AGTPBP1: variants seen among roughly 807,000 people sequenced by gnomAD.
The protein encoded by AGTPBP1 is cytosolic carboxypeptidase 1.
AGTPBP1 carries 70 observed loss-of-function variants against 143.9 expected under a neutral mutation model. The observed-to-expected ratio is 0.49, with a 90% CI of 0.40 to 0.59. AGTPBP1 has a LOEUF of 0.59. AGTPBP1 is among the 20% of genes least tolerant of loss of function. AGTPBP1 has a pLI of 0.00. For missense variants in AGTPBP1, 1,229 were observed against 1,464.5 expected, an observed-to-expected ratio of 0.84 and a Z score of 2.62; for synonymous variants, 463 against 500.2, an observed-to-expected ratio of 0.93 and a Z score of 0.99.
Position 85,618,974 on chromosome 9 carries a change from C to T in AGTPBP1, c.2335+9G>A. ...ATGCCATTTCAATTGGGAAAGAAAA[C>T]TGTCTTACCATAATTAAACTGACTG... is the stretch of plus-strand genomic sequence containing the variant. On this transcript the variant is annotated intron_variant, in intron 17 of 25. Coordinates refer to ENST00000357081, the MANE Select transcript of AGTPBP1 (RefSeq NM_001330701.2). The T allele has an allele frequency of 6.2e-7, 1 of 1,600,298 alleles. No individual in the cohort carries two copies.
intron 25 of AGTPBP1, among the ~76,000 whole-genome samples, chr9:85,548,427 A>C (rs1485001885): frequency 6.6e-6 from 1 of 152,178 alleles, no homozygotes; most frequent in East Asian, 1.9e-4. Flanking sequence ...ATGCATTGCA[A>C]AACCACCTTG....
At chr9:85,596,531 C>T in intron 17 of AGTPBP1, 82 bp from the exon 18 acceptor site, 1 of 899,480 alleles carries the variant, frequency 1.1e-6, no homozygotes, top group South Asian at 2.0e-5. Context: ...TAGAAAGCAC[C>T]AAACATTCAG....
In AGTPBP1 at chr9:85,710,100, C is replaced by T. The variant is rs147523744; in HGVS notation, c.32+2402G>A. Among the ~76,000 whole-genome samples, 73 of 152,164 alleles carry T rather than the reference C, an allele frequency of 4.8e-4. 1 individual carries two copies. The highest frequency in any genetic ancestry group is 2.8e-3 in the Admixed American group (43 of 15,278). ...ACACTTCACTATATACTGGTTAAGTCGCCATACTGCATTTGTTCAGATATT... is the reference window on the plus strand; with the variant it reads ...ACACTTCACTATATACTGGTTAAGTTGCCATACTGCATTTGTTCAGATATT... On this transcript the variant is annotated intron_variant, in intron 2 of 25. Coordinates refer to ENST00000357081, the MANE Select transcript of AGTPBP1 (RefSeq NM_001330701.2).
At chr9:85,595,775 C>A (rs576305670) in intron 18 of AGTPBP1, among the ~76,000 whole-genome samples, 35 of 152,214 alleles carry the variant, frequency 2.3e-4, no homozygotes, top group East Asian at 1.4e-3. Flanking sequence ...GATCTGCCCA[C>A]CTCACCCTCC....
In AGTPBP1 at chr9:85,737,479, T is replaced by G. The variant is rs548936328; in HGVS notation, c.-34+4296A>C. The stretch of plus-strand genomic sequence containing the variant: ...TAAAATTTGAGCTTTCAAGCAAAAA[T>G]CCGAATTCTGGAAAACTCATATCCA... On this transcript the variant is annotated intron_variant, in intron 1 of 25. Coordinates refer to ENST00000357081, the MANE Select transcript of AGTPBP1 (RefSeq NM_001330701.2). Among the ~76,000 whole-genome samples, 195 of 152,292 alleles carry G rather than the reference T, an allele frequency of 1.3e-3. 1 individual carries two copies. Among genetic ancestry groups the G allele is most frequent in the African/African-American group, 4.6e-3 (191 of 41,572 alleles).
intron 2 of AGTPBP1, among the ~76,000 whole-genome samples, chr9:85,695,428 A>T (rs183105356): frequency 6.6e-6 from 1 of 152,328 alleles, no homozygotes; most frequent in Non-Finnish European, 1.5e-5. Context: ...GGCCAAAGAC[A>T]ATTTTCATAA....
chr9:85,575,359 A>G lies in AGTPBP1; in HGVS notation c.3459T>C (p.Leu1153=). Residue 1153 remains leucine, a synonymous_variant, in exon 25 of 26, where the codon CTT becomes CTC. Coordinates refer to ENST00000357081, the MANE Select transcript of AGTPBP1 (RefSeq NM_001330701.2). The part of the protein sequence containing the change: ...PLEYNLPSSL[L]DFENDLIESS... ...ATTCAATTAAATCATTTTCAAAGTC[A>G]AGCAGGCTGGAAGGCAGATTATACT... The G allele has an allele frequency of 6.2e-7, 1 of 1,602,204 alleles. No individual in the cohort carries two copies. Among genetic ancestry groups the G allele is most frequent in the Admixed American group, 1.8e-5 (1 of 56,746 alleles).
chr9:85,714,665 T>C (rs757770240), intron 1 of AGTPBP1, among the ~76,000 whole-genome samples: 1 of 152,168 alleles, frequency 6.6e-6, no homozygotes, highest in Non-Finnish European at 1.5e-5. Flanking sequence ...CTATTATCAT[T>C]CTAAGAATTA....
chr9:85,657,548 T>C lies in AGTPBP1; in HGVS notation c.796A>G (p.Met266Val), dbSNP rs748002753. 6.2e-7 allele frequency: 1 copy of C among 1,614,006 alleles called. No homozygotes were observed. The highest frequency in any genetic ancestry group is 8.5e-7 in the Non-Finnish European group (1 of 1,179,916). The change falls in exon 10 of 26, where the codon ATG (methionine) becomes GTG (valine). Residue 266 changes from methionine (M) to valine (V), a missense_variant. Coordinates refer to ENST00000357081, the MANE Select transcript of AGTPBP1 (RefSeq NM_001330701.2). Reference protein sequence around the residue: ...WHRHDNRHRNMLIRKGILQSL... With the variant: ...WHRHDNRHRNVLIRKGILQSL... ...TGTAAAATTCCTTTCCGAATGAGCATGTTTCTATGCCGGTTATCATGGCGG... is the reference window on the plus strand; with the variant it reads ...TGTAAAATTCCTTTCCGAATGAGCACGTTTCTATGCCGGTTATCATGGCGG...
chr9:85,672,031 G>C (rs753683500), intron 7 of AGTPBP1, among the ~76,000 whole-genome samples: 7 of 151,814 alleles, frequency 4.6e-5, no homozygotes, highest in Admixed American at 6.6e-5. Flanking sequence ...TTTATAAATT[G>C]GAGAAATTAG....
At chr9:85,723,477 C>A (rs1056855743) in intron 1 of AGTPBP1, among the ~76,000 whole-genome samples, 2 of 152,204 alleles carry the variant, frequency 1.3e-5, no homozygotes, top group African/African-American at 4.8e-5. Context: ...AGCAAGCCTC[C>A]ATGGGCGTGA....
intron 3 of AGTPBP1, among the ~76,000 whole-genome samples, chr9:85,683,155 A>C (rs1043942080): frequency 3.9e-5 from 6 of 152,206 alleles, no homozygotes; most frequent in African/African-American, 1.4e-4. Context: ...GTTAATGCTT[A>C]AAAGAATATA....
intron 17 of AGTPBP1, among the ~76,000 whole-genome samples, chr9:85,605,899 T>C (rs1008343946): frequency 5.3e-5 from 8 of 151,392 alleles, no homozygotes; most frequent in Admixed American, 4.6e-4. Context: ...CTACAACAGA[T>C]ACACAGAAAA....
chr9:85,695,990 A>G (rs1836212548), intron 2 of AGTPBP1, among the ~76,000 whole-genome samples: 1 of 152,002 alleles, frequency 6.6e-6, no homozygotes. Flanking sequence ...TACAGGCATG[A>G]GCCATTACAC....
chr9:85,738,447 TA>T (rs1453591201), intron 1 of AGTPBP1, among the ~76,000 whole-genome samples: 2 of 152,148 alleles, frequency 1.3e-5, no homozygotes, highest in East Asian at 1.9e-4. Flanking sequence ...AAAGAATGCT[TA>T]AAAAAATTGA....
chr9:85,549,078 A>G (rs1825892327), intron 25 of AGTPBP1, among the ~76,000 whole-genome samples: 1 of 152,208 alleles, frequency 6.6e-6, no homozygotes, highest in African/African-American at 2.4e-5. Context: ...GTCCCAGGTG[A>G]TTCTTAGAAT....
intron 25 of AGTPBP1, among the ~76,000 whole-genome samples, chr9:85,566,875 T>G (rs573054266): frequency 6.0e-4 from 92 of 152,226 alleles, no homozygotes; most frequent in African/African-American, 2.1e-3. Context: ...GCTGAGAAAA[T>G]AAGGCTGAGA....
chr9:85,590,291 A>C (rs548363038), intron 19 of AGTPBP1, among the ~76,000 whole-genome samples: 1 of 152,136 alleles, frequency 6.6e-6, no homozygotes, highest in South Asian at 2.1e-4. Flanking sequence ...AATGTATGTA[A>C]GCAAAACCAT....
intron 1 of AGTPBP1, among the ~76,000 whole-genome samples, chr9:85,726,865 G>T (rs1838527393): frequency 6.6e-6 from 1 of 152,136 alleles, no homozygotes; most frequent in Admixed American, 6.5e-5. Context: ...CCAGAAAAGG[G>T]AAAGTCACAC....
Sources: allele counts gnomAD v4.1 joint callset (sites outside exome capture counted in the v4.1 genomes callset), GRCh38; gene constraint gnomAD v4.1.1; transcripts MANE v1.5; gene names NCBI Gene and HGNC (gene_info 2026-07-23, HGNC 2026-07-21).